WWC1: variants seen among roughly 807,000 people sequenced by gnomAD.
WWC1 encodes the protein WW and C2 domain containing 1, also known as protein KIBRA.
In WWC1, 55 loss-of-function variants were observed where a neutral mutation model predicts 138.4. The ratio of observed to expected loss-of-function variants is 0.40; its 90% CI spans 0.32 to 0.50. The LOEUF is 0.50. WWC1 is among the 20% of genes least tolerant of loss of function. The pLI is 0.72. For missense variants in WWC1, 1,226 were observed against 1,420.4 expected (o/e 0.86, Z 2.20); for synonymous variants, 524 against 564.9 (o/e 0.93, Z 1.03).
At chr5:168,328,806 A>G (rs557357898) in intron 1 of WWC1, among the ~76,000 whole-genome samples, 105 of 152,150 alleles carry the variant, frequency 6.9e-4, no homozygotes, top group African/African-American at 2.3e-3. Flanking sequence ...AAGTGCTGAG[A>G]TTACAGGCAT....
intron 1 of WWC1, among the ~76,000 whole-genome samples, chr5:168,366,925 G>A (rs1221506413): frequency 6.7e-6 from 1 of 149,580 alleles, no homozygotes; most frequent in Non-Finnish European, 1.5e-5. Context: ...AGCCTCCCGA[G>A]TAGCTGGGAT....
At chr5:168,376,979 T>A (rs112970675) in intron 2 of WWC1, among the ~76,000 whole-genome samples, 4 of 151,974 alleles carry the variant, frequency 2.6e-5, no homozygotes, top group Non-Finnish European at 4.4e-5. Flanking sequence ...CCAAAGCAAA[T>A]CTAAGCAAAA....
At chr5:168,300,437 C>G (rs1366465137) in intron 1 of WWC1, among the ~76,000 whole-genome samples, 1 of 126,920 alleles carries the variant, frequency 7.9e-6, no homozygotes, top group Non-Finnish European at 1.7e-5. Context: ...TGCCCATTCT[C>G]CCCACCCCCC....
At chr5:168,459,178 C>T (rs1210144443) in intron 19 of WWC1, among the ~76,000 whole-genome samples, 5 of 148,012 alleles carry the variant, frequency 3.4e-5, no homozygotes, top group South Asian at 2.1e-4. Context: ...CACTTGAGCC[C>T]GAGAAGTCAA....
chr5:168,403,083 C>CTTTCTTTCTTTCTTTTT (rs1779502702), intron 5 of WWC1, among the ~76,000 whole-genome samples: 1 of 100,448 alleles, frequency 1.0e-5, no homozygotes, highest in African/African-American at 3.8e-5. Context: ...TCTTTCTTTT[C>CTTTCTTTCTTTCTTTTT]TTTCTTTTCT....
chr5:168,322,289 A>G (rs1323525839), intron 1 of WWC1, among the ~76,000 whole-genome samples: 1 of 152,140 alleles, frequency 6.6e-6, no homozygotes, highest in African/African-American at 2.4e-5. Flanking sequence ...AAAAAAAAAA[A>G]AGTTTAAGAA....
intron 1 of WWC1, among the ~76,000 whole-genome samples, chr5:168,338,721 A>T (rs1773722855): frequency 1.3e-5 from 2 of 152,178 alleles, no homozygotes; most frequent in African/African-American, 4.8e-5. Flanking sequence ...AGTATGAATC[A>T]GAAGGGATTT....
intron 17 of WWC1, among the ~76,000 whole-genome samples, chr5:168,446,090 G>GA (rs113767101): frequency 0.28 from 42,202 of 151,982 alleles, 6,025 homozygotes; most frequent in South Asian, 0.44. Flanking sequence ...TACTAACGGA[G>GA]AAAGTGGATA....
At chr5:168,445,362 A>G (rs978287453) in intron 17 of WWC1, among the ~76,000 whole-genome samples, 22 of 151,684 alleles carry the variant, frequency 1.5e-4, no homozygotes, top group African/African-American at 5.1e-4. Context: ...AGGCAGGAGG[A>G]TTGCTTGAAC....
intron 9 of WWC1, 120 bp downstream of exon 9, chr5:168,414,710 A>T: frequency 1.5e-6 from 2 of 1,352,478 alleles, no homozygotes; most frequent in Middle Eastern, 2.7e-4. Flanking sequence ...GAGCACGCTC[A>T]GTTCAGAGAT....
chr5:168,460,565 G>A, intron 19 of WWC1, 85 bp from the exon 20 acceptor site: 1 of 1,339,506 alleles, frequency 7.5e-7, no homozygotes. Context: ...GCCGAGTGGA[G>A]GAACCTGACC....
intron 1 of WWC1, among the ~76,000 whole-genome samples, chr5:168,368,951 A>C (rs553075735): frequency 6.6e-6 from 1 of 152,168 alleles, no homozygotes; most frequent in South Asian, 2.1e-4. Flanking sequence ...AGTCCCCATC[A>C]CCTGTGTCTA....
chr5:168,310,681 A>C (rs374469302), intron 1 of WWC1, among the ~76,000 whole-genome samples: 1 of 151,924 alleles, frequency 6.6e-6, no homozygotes, highest in African/African-American at 2.4e-5. Flanking sequence ...ACAAAAAATA[A>C]AAGAATTAGC....
At chr5:168,305,227 CA>C (rs1467340838) in intron 1 of WWC1, among the ~76,000 whole-genome samples, 1 of 151,604 alleles carries the variant, frequency 6.6e-6, no homozygotes, top group Non-Finnish European at 1.5e-5. Context: ...CTTGGCCTCC[CA>C]AAGTGTTGGG....
intron 9 of WWC1, 52 bp from the exon 10 acceptor site, chr5:168,421,956 C>T: frequency 6.6e-7 from 1 of 1,507,248 alleles, no homozygotes; most frequent in Non-Finnish European, 9.2e-7. Context: ...GGTAAGAGTG[C>T]ATGCCTGTGC....
intron 1 of WWC1, among the ~76,000 whole-genome samples, chr5:168,306,055 A>G (rs1770531130): frequency 6.6e-6 from 1 of 152,210 alleles, no homozygotes; most frequent in Non-Finnish European, 1.5e-5. Context: ...AAAAATTGAG[A>G]TGATTCAGGA....
At chr5:168,310,848 A>G (rs1203437409) in intron 1 of WWC1, among the ~76,000 whole-genome samples, 1 of 152,122 alleles carries the variant, frequency 6.6e-6, no homozygotes. Context: ...AAAAAAAAGC[A>G]TAACTTGGAG....
chr5:168,294,873 A>G (rs1371357853), intron 1 of WWC1, among the ~76,000 whole-genome samples: 1 of 152,056 alleles, frequency 6.6e-6, no homozygotes, highest in Non-Finnish European at 1.5e-5. Flanking sequence ...CAATCCGCCC[A>G]CCTCAGCCTC....
chr5:168,447,676 T>C (rs1244317274), intron 17 of WWC1, among the ~76,000 whole-genome samples: 2 of 152,206 alleles, frequency 1.3e-5, no homozygotes, highest in Non-Finnish European at 2.9e-5. Flanking sequence ...TACTATTTTT[T>C]TCATGTGATA....
Sources: gnomAD v4.1 joint callset for allele counts (sites outside exome capture counted in the v4.1 genomes callset) on GRCh38, gnomAD v4.1.1 for gene constraint, MANE v1.5 for transcripts, NCBI Gene and HGNC (gene_info 2026-07-23, HGNC 2026-07-21) for gene names.